Variants in HTR2C observed in about 807,000 individuals in gnomAD.
HTR2C encodes the protein 5-hydroxytryptamine receptor 2C, also known as 5-hydroxytryptamine (serotonin) receptor 2C, G protein-coupled.
Under a neutral mutation model 21.0 loss-of-function variants are expected in HTR2C, and 5 were observed. The observed-to-expected ratio is 0.24, with a 90% CI of 0.12 to 0.50. HTR2C has a LOEUF of 0.50. Among genes scored for constraint, HTR2C ranks in the 20% least tolerant of loss-of-function variants. HTR2C has a pLI of 0.98. For synonymous variants in HTR2C, 150 were observed against 145.3 expected, an observed-to-expected ratio of 1.03 and a Z score of -0.23; for missense variants, 271 against 371.2, an observed-to-expected ratio of 0.73 and a Z score of 2.22.
intron 1 of HTR2C, among the ~76,000 whole-genome samples, chrX:114,598,291 T>C (rs1927945678): frequency 9.0e-6 from 1 of 111,519 alleles, no homozygotes; most frequent in Non-Finnish European, 1.9e-5. Flanking sequence ...AAACATAGAG[T>C]GGCCAAACCT....
chrX:114,897,533 T>C (rs1410793804), intron 5 of HTR2C, among the ~76,000 whole-genome samples: 3 of 111,673 alleles, frequency 2.7e-5, no homozygotes, highest in African/African-American at 9.8e-5. Flanking sequence ...TCAGCATCCA[T>C]TAGCTATTCT....
intron 2 of HTR2C, among the ~76,000 whole-genome samples, chrX:114,654,993 A>G (rs1556409081): frequency 9.2e-6 from 1 of 109,177 alleles, no homozygotes; most frequent in East Asian, 2.9e-4. Context: ...TTAGTACTAA[A>G]TGAAACTACA....
At chrX:114,891,169 ATTG>A (rs1209835495) in intron 5 of HTR2C, among the ~76,000 whole-genome samples, 2 of 110,937 alleles carry the variant, frequency 1.8e-5, no homozygotes, top group Non-Finnish European at 3.8e-5. Context: ...CGTTATTGAT[ATTG>A]TTGTCTTTCC....
At chrX:114,785,742 C>T (rs782004610) in intron 4 of HTR2C, among the ~76,000 whole-genome samples, 45 of 112,045 alleles carry the variant, frequency 4.0e-4, no homozygotes, top group African/African-American at 1.5e-3. Context: ...TTTCAGAAAG[C>T]AGCAATTTAA....
intron 2 of HTR2C, among the ~76,000 whole-genome samples, chrX:114,718,086 G>T (rs782087537): frequency 9.0e-6 from 1 of 110,678 alleles, no homozygotes; most frequent in African/African-American, 3.3e-5. Flanking sequence ...GCAGTGGTGC[G>T]ATCACGGCTC....
At chrX:114,585,858 T>C (rs1602617743) in intron 1 of HTR2C, among the ~76,000 whole-genome samples, 1 of 109,096 alleles carries the variant, frequency 9.2e-6, no homozygotes, top group Non-Finnish European at 1.9e-5. Context: ...CCTTACCTCA[T>C]ACCTTTTAGG....
chrX:114,632,422 A>C (rs1929667682), intron 2 of HTR2C, among the ~76,000 whole-genome samples: 1 of 111,604 alleles, frequency 9.0e-6, no homozygotes, highest in Non-Finnish European at 1.9e-5. Context: ...AAAAGAATGT[A>C]CACAATCTGC....
chrX:114,641,329 A>C (rs1228044893), intron 2 of HTR2C, among the ~76,000 whole-genome samples: 1 of 111,642 alleles, frequency 9.0e-6, no homozygotes, highest in South Asian at 3.7e-4. Flanking sequence ...CTGCTTTTGC[A>C]TAGTCCTTAT....
intron 5 of HTR2C, among the ~76,000 whole-genome samples, chrX:114,867,232 C>T (rs1340461623): frequency 1.8e-5 from 2 of 111,301 alleles, no homozygotes; most frequent in Non-Finnish European, 3.8e-5. Flanking sequence ...TTGTAGTTTT[C>T]GATTTCCATT....
intron 2 of HTR2C, among the ~76,000 whole-genome samples, chrX:114,666,077 A>G (rs1413105880): frequency 8.9e-6 from 1 of 111,766 alleles, no homozygotes; most frequent in Admixed American, 9.6e-5. Context: ...ATCATTTGCA[A>G]CCAAATTATA....
chrX:114,793,074 G>A (rs1251172197), intron 4 of HTR2C, among the ~76,000 whole-genome samples: 7 of 111,524 alleles, frequency 6.3e-5, no homozygotes, highest in Non-Finnish European at 1.1e-4. Flanking sequence ...GGCGTGTTCA[G>A]TCTGATGATA....
At chrX:114,787,498 C>T (rs782733002) in intron 4 of HTR2C, among the ~76,000 whole-genome samples, 23 of 111,547 alleles carry the variant, frequency 2.1e-4, no homozygotes, top group African/African-American at 7.2e-4. Context: ...TATAAATGCT[C>T]GAGAGACCTC....
intron 1 of HTR2C, among the ~76,000 whole-genome samples, chrX:114,604,453 C>T (rs1556396044): frequency 9.1e-6 from 1 of 109,955 alleles, no homozygotes; most frequent in Non-Finnish European, 1.9e-5. Flanking sequence ...AGTGGGTAGC[C>T]TCCGTATTGA....
intron 4 of HTR2C, among the ~76,000 whole-genome samples, chrX:114,758,311 C>G (rs1287551932): frequency 1.8e-5 from 2 of 111,066 alleles, no homozygotes; most frequent in Non-Finnish European, 1.9e-5. Flanking sequence ...CCTGCAATCT[C>G]AGAGGTTTGG....
chrX:114,867,518 C>T, intron 5 of HTR2C, among the ~76,000 whole-genome samples: 1 of 110,903 alleles, frequency 9.0e-6, no homozygotes, highest in Non-Finnish European at 1.9e-5. Context: ...TGATGTGGTC[C>T]TATTTGTCCA....
chrX:114,874,337 T>A (rs2071115476), intron 5 of HTR2C, among the ~76,000 whole-genome samples: 1 of 111,591 alleles, frequency 9.0e-6, no homozygotes, highest in South Asian at 3.7e-4. Flanking sequence ...TAGTTCTGTT[T>A]TTAAGTTTTG....
At chrX:114,588,925 C>T (rs1362790764) in intron 1 of HTR2C, among the ~76,000 whole-genome samples, 1 of 111,625 alleles carries the variant, frequency 9.0e-6, no homozygotes, top group Admixed American at 9.5e-5. Context: ...CCATACAAGC[C>T]TGATGACTAC....
chrX:114,882,611 C>T (rs1216567554), intron 5 of HTR2C, among the ~76,000 whole-genome samples: 5 of 110,668 alleles, frequency 4.5e-5, no homozygotes, highest in Non-Finnish European at 5.7e-5. Context: ...GTGTTTTTTA[C>T]TTCTATTGAT....
chrX:114,703,929 A>G (rs1286785234), intron 2 of HTR2C, among the ~76,000 whole-genome samples: 5 of 109,529 alleles, frequency 4.6e-5, no homozygotes, highest in African/African-American at 1.7e-4. Context: ...TACTACAAAC[A>G]CCTCTACGCA....
Sources: gnomAD v4.1 joint callset for allele counts (sites outside exome capture counted in the v4.1 genomes callset) on GRCh38, gnomAD v4.1.1 for gene constraint, MANE v1.5 for transcripts, NCBI Gene and HGNC (gene_info 2026-07-23, HGNC 2026-07-21) for gene names.